Variants in CNTN5 observed in about 807,000 individuals in gnomAD.
CNTN5 encodes the protein contactin 5, also known as contactin-5.
A neutral mutation model predicts 129.1 loss-of-function variants in CNTN5; 77 were observed. The ratio of observed to expected loss-of-function variants is 0.60; its 90% CI spans 0.50 to 0.72. The LOEUF (loss-of-function observed/expected upper bound fraction) is 0.72. Among genes scored for constraint, CNTN5 ranks in the 30% least tolerant of loss-of-function variants. The pLI is 0.00. For synonymous variants in CNTN5, 509 were observed against 465.6 expected (o/e 1.09, Z -1.20); for missense variants, 1,478 against 1,328.8 (o/e 1.11, Z -1.75).
chr11:100,280,441 TA>T (rs558940518), intron 18 of CNTN5, among the ~76,000 whole-genome samples: 40 of 152,206 alleles, frequency 2.6e-4, no homozygotes, highest in African/African-American at 9.6e-4. Context: ...TGAACTTCTT[TA>T]TGTCTTCTTA....
intron 1 of CNTN5, among the ~76,000 whole-genome samples, chr11:99,060,382 T>G (rs1314150029): frequency 2.6e-5 from 4 of 152,114 alleles, no homozygotes; most frequent in Admixed American, 1.3e-4. Context: ...TCTGAGAAAG[T>G]TTTTATTTTA....
intron 2 of CNTN5, among the ~76,000 whole-genome samples, chr11:99,432,246 CTTACA>C (rs1193172299): frequency 6.6e-6 from 1 of 152,002 alleles, no homozygotes; most frequent in Non-Finnish European, 1.5e-5. Context: ...GTGTCATTCA[CTTACA>C]TGAGAAAAAC....
intron 2 of CNTN5, among the ~76,000 whole-genome samples, chr11:99,377,680 A>G (rs570423486): frequency 1.3e-5 from 2 of 152,264 alleles, no homozygotes; most frequent in South Asian, 4.1e-4. Context: ...CTTGGCAGTA[A>G]TAACTGTAGT....
chr11:99,941,338 T>C (rs1950430389), intron 7 of CNTN5, among the ~76,000 whole-genome samples: 1 of 151,998 alleles, frequency 6.6e-6, no homozygotes, highest in South Asian at 2.1e-4. Context: ...TTACCCAATA[T>C]AATAGTTTTT....
intron 7 of CNTN5, among the ~76,000 whole-genome samples, chr11:99,945,261 T>A (rs557909136): frequency 6.6e-6 from 1 of 152,216 alleles, no homozygotes; most frequent in Non-Finnish European, 1.5e-5. Flanking sequence ...GAGCAACATA[T>A]ACTATAAAAT....
chr11:99,844,761 A>C, intron 4 of CNTN5, 91 bp from the exon 5 acceptor site: 1 of 1,288,102 alleles, frequency 7.8e-7, no homozygotes, highest in East Asian at 2.4e-5. Flanking sequence ...AAGAGCAAGA[A>C]TTTTGAATAT....
At chr11:100,046,178 C>T (rs1201516560) in intron 9 of CNTN5, among the ~76,000 whole-genome samples, 2 of 151,852 alleles carry the variant, frequency 1.3e-5, no homozygotes, top group East Asian at 3.9e-4. Context: ...AGGAGATATA[C>T]CTAATGCTAA....
At chr11:99,746,312 AC>A (rs1465720389) in intron 3 of CNTN5, among the ~76,000 whole-genome samples, 5 of 152,180 alleles carry the variant, frequency 3.3e-5, no homozygotes, top group African/African-American at 1.2e-4. Context: ...AGTTTTCCCA[AC>A]AAAAATTGAA....
chr11:99,763,569 C>T (rs1944656926), intron 3 of CNTN5, among the ~76,000 whole-genome samples: 1 of 152,042 alleles, frequency 6.6e-6, no homozygotes, highest in African/African-American at 2.4e-5. Flanking sequence ...TTCCCATCTA[C>T]TCAGTATCTG....
At chr11:99,844,195 C>T (rs968837707) in intron 4 of CNTN5, among the ~76,000 whole-genome samples, 4 of 152,182 alleles carry the variant, frequency 2.6e-5, no homozygotes, top group African/African-American at 9.7e-5. Context: ...CACTGGCCTC[C>T]ACTTCCTTTT....
intron 13 of CNTN5, among the ~76,000 whole-genome samples, chr11:100,128,779 C>T (rs1946280779): frequency 6.6e-6 from 1 of 151,998 alleles, no homozygotes; most frequent in Non-Finnish European, 1.5e-5. Context: ...CTACATCTAT[C>T]TGGGATACTT....
intron 6 of CNTN5, among the ~76,000 whole-genome samples, chr11:99,882,186 C>G (rs1490074828): frequency 6.6e-6 from 1 of 152,108 alleles, no homozygotes; most frequent in African/African-American, 2.4e-5. Context: ...ATAGATAACA[C>G]CCTTAATGGT....
chr11:99,958,610 A>G (rs567245751), intron 8 of CNTN5, among the ~76,000 whole-genome samples: 23 of 152,300 alleles, frequency 1.5e-4, no homozygotes, highest in African/African-American at 4.8e-4. Context: ...AATAATGTGT[A>G]TATATTATGC....
rs1489722180 is a variant in CNTN5, at chr11:100,340,572, A to G, written c.2840A>G (p.His947Arg). Residue 947 changes from histidine to arginine, a missense_variant, in exon 22 of 25, where the codon CAC becomes CGC. Coordinates refer to ENST00000524871, the MANE Select transcript of CNTN5 (RefSeq NM_014361.4). ...GGATTAGAAGGAAATACGTTATATCACTTCACAGTGAGGGCTTACAATGGA... is the reference window on the plus strand; with the variant it reads ...GGATTAGAAGGAAATACGTTATATCGCTTCACAGTGAGGGCTTACAATGGA... The part of the protein sequence containing the change: ...LTGLEGNTLY[H>R]FTVRAYNGAG... 1 of 1,613,254 alleles carries G rather than the reference A, an allele frequency of 6.2e-7. No individual in the cohort carries two copies. Among genetic ancestry groups the G allele is most frequent in the African/African-American group, 1.3e-5 (1 of 74,906 alleles).
chr11:99,798,267 A>T (rs1323706565), intron 3 of CNTN5, among the ~76,000 whole-genome samples: 1 of 151,654 alleles, frequency 6.6e-6, no homozygotes, highest in African/African-American at 2.4e-5. Context: ...GTTCCTGCCC[A>T]ATCCATGTTC....
At chr11:99,042,304 C>T (rs1864016376) in intron 1 of CNTN5, among the ~76,000 whole-genome samples, 1 of 150,144 alleles carries the variant, frequency 6.7e-6, no homozygotes, top group Admixed American at 6.7e-5. Flanking sequence ...ACCATCATGG[C>T]ACATGTATAC....
chr11:100,002,071 T>G lies in CNTN5; in HGVS notation c.915T>G (p.His305Gln), dbSNP rs753184076. ...MGEYEPKIEV[H>Q]FPFTVTAAKG... The stretch of plus-strand genomic sequence containing the variant: ...AATATGAGCCGAAAATTGAGGTCCA[T>G]TTTCCTTTCACGGTTACAGCTGCTA... The change falls in exon 9 of 25, where the codon CAT (histidine) becomes CAG (glutamine). Residue 305 changes from histidine to glutamine, a missense_variant. Coordinates refer to ENST00000524871, the MANE Select transcript of CNTN5 (RefSeq NM_014361.4). 13 of 1,598,518 alleles carry G rather than the reference T, an allele frequency of 8.1e-6. No homozygotes were observed. The highest frequency in any genetic ancestry group is 1.1e-5 in the Non-Finnish European group (13 of 1,175,422).
chr11:99,222,473 G>T (rs1400462988), intron 1 of CNTN5, among the ~76,000 whole-genome samples: 2 of 151,864 alleles, frequency 1.3e-5, no homozygotes, highest in Admixed American at 1.3e-4. Context: ...GTTTATATAT[G>T]TATGGTCCCA....
At chr11:99,842,336 A>G (rs1466041544) in intron 4 of CNTN5, among the ~76,000 whole-genome samples, 1 of 152,224 alleles carries the variant, frequency 6.6e-6, no homozygotes, top group African/African-American at 2.4e-5. Context: ...TCTGGCATAT[A>G]GTAATTATAC....
Sources: gnomAD v4.1 joint callset for allele counts (sites outside exome capture counted in the v4.1 genomes callset) on GRCh38, gnomAD v4.1.1 for gene constraint, MANE v1.5 for transcripts, NCBI Gene and HGNC (gene_info 2026-07-23, HGNC 2026-07-21) for gene names.